Variants in ANKS1B observed in about 807,000 individuals in gnomAD.
ANKS1B encodes the protein ankyrin repeat and sterile alpha motif domain containing 1B.
Under a neutral mutation model 148.3 loss-of-function variants are expected in ANKS1B, and 36 were observed. The ratio of observed to expected loss-of-function variants is 0.24; its 90% CI spans 0.19 to 0.32. The LOEUF is 0.32. ANKS1B is among the 10% of genes least tolerant of loss of function. The pLI is 1.00. For missense variants in ANKS1B, 1,157 were observed against 1,542.6 expected, an observed-to-expected ratio of 0.75 and a Z score of 4.19; for synonymous variants, 542 against 560.8, an observed-to-expected ratio of 0.97 and a Z score of 0.47.
chr12:99,410,496 C>G (rs1481518082), intron 11 of ANKS1B, among the ~76,000 whole-genome samples: 1 of 152,028 alleles, frequency 6.6e-6, no homozygotes, highest in African/African-American at 2.4e-5. Context: ...GGTGAAACCC[C>G]GTCTCTACTA....
intron 17 of ANKS1B, among the ~76,000 whole-genome samples, chr12:99,045,390 G>A (rs1391965028): frequency 6.6e-6 from 1 of 152,082 alleles, no homozygotes; most frequent in Non-Finnish European, 1.5e-5. Flanking sequence ...TCTTAAGTGT[G>A]TCTGCTGCTG....
At chr12:99,309,585 A>G (rs1201876821) in intron 12 of ANKS1B, among the ~76,000 whole-genome samples, 3 of 152,110 alleles carry the variant, frequency 2.0e-5, no homozygotes, top group Non-Finnish European at 4.4e-5. Context: ...ATACACATTA[A>G]TTTAGATAAA....
chr12:99,272,959 G>A (rs1288978089), intron 12 of ANKS1B, among the ~76,000 whole-genome samples: 1 of 152,142 alleles, frequency 6.6e-6, no homozygotes, highest in African/African-American at 2.4e-5. Flanking sequence ...TACATTTGGA[G>A]AATAATATTC....
At chr12:99,459,902 AC>A (rs2095921384) in intron 10 of ANKS1B, among the ~76,000 whole-genome samples, 1 of 152,118 alleles carries the variant, frequency 6.6e-6, no homozygotes. Context: ...ACTAGAAAAA[AC>A]AATCCTAAAA....
chr12:98,952,680 T>C (rs2099855896), intron 17 of ANKS1B, among the ~76,000 whole-genome samples: 1 of 152,180 alleles, frequency 6.6e-6, no homozygotes, highest in Non-Finnish European at 1.5e-5. Context: ...GCTCTCCACC[T>C]CACATCTCTT....
intron 8 of ANKS1B, among the ~76,000 whole-genome samples, chr12:99,761,374 T>C (rs373663338): frequency 2.0e-5 from 3 of 151,990 alleles, no homozygotes; most frequent in Admixed American, 1.3e-4. Flanking sequence ...CTCCCTGGGA[T>C]ACAGGGTTGA....
intron 1 of ANKS1B, among the ~76,000 whole-genome samples, chr12:99,966,499 G>C (rs1210160157): frequency 1.3e-5 from 2 of 152,182 alleles, no homozygotes; most frequent in Admixed American, 6.5e-5. Flanking sequence ...TCTGATGTAT[G>C]ATGGGAGATG....
At chr12:99,467,287 T>C (rs1210950425) in intron 10 of ANKS1B, among the ~76,000 whole-genome samples, 1 of 152,152 alleles carries the variant, frequency 6.6e-6, no homozygotes, top group Non-Finnish European at 1.5e-5. Context: ...ATGGGTTGTA[T>C]CGCAAAATAA....
At chr12:99,635,980 C>A (rs1164726203) in intron 9 of ANKS1B, among the ~76,000 whole-genome samples, 1 of 151,960 alleles carries the variant, frequency 6.6e-6, no homozygotes, top group Non-Finnish European at 1.5e-5. Flanking sequence ...TGGTCAAGGT[C>A]AGCCTAAGCA....
At chr12:98,835,441 G>T (rs959067640) in intron 17 of ANKS1B, among the ~76,000 whole-genome samples, 3 of 152,276 alleles carry the variant, frequency 2.0e-5, no homozygotes, top group Admixed American at 6.5e-5. Context: ...ACAAGGACTT[G>T]TTCATTGTCA....
chr12:99,582,150 C>A (rs961856030), intron 9 of ANKS1B, among the ~76,000 whole-genome samples: 2 of 151,622 alleles, frequency 1.3e-5, no homozygotes, highest in African/African-American at 2.4e-5. Flanking sequence ...AAATAACATA[C>A]CAGAACATAC....
intron 9 of ANKS1B, among the ~76,000 whole-genome samples, chr12:99,562,813 AT>A (rs1567357916): frequency 1.3e-5 from 2 of 152,162 alleles, no homozygotes; most frequent in African/African-American, 4.8e-5. Flanking sequence ...GGGTATTACA[AT>A]TTGGATTACA....
At chr12:99,586,638 T>C (rs563623879) in intron 9 of ANKS1B, among the ~76,000 whole-genome samples, 1 of 152,286 alleles carries the variant, frequency 6.6e-6, no homozygotes, top group Admixed American at 6.5e-5. Flanking sequence ...TATTAGTCTG[T>C]TCTCATGCTG....
chr12:99,017,756 G>A (rs187265812), intron 17 of ANKS1B, among the ~76,000 whole-genome samples: 11 of 152,252 alleles, frequency 7.2e-5, no homozygotes, highest in Admixed American at 6.5e-4. Context: ...TATATCAAAT[G>A]AACTCTTTCT....
At chr12:98,854,077 GCC>G (rs1185569824) in intron 17 of ANKS1B, among the ~76,000 whole-genome samples, 4 of 152,152 alleles carry the variant, frequency 2.6e-5, no homozygotes, top group African/African-American at 9.7e-5. Flanking sequence ...TCCACACACA[GCC>G]CCAAAGGAGA....
At chr12:99,442,166 C>G (rs1346114874) in intron 11 of ANKS1B, among the ~76,000 whole-genome samples, 2 of 151,698 alleles carry the variant, frequency 1.3e-5, no homozygotes, top group African/African-American at 4.8e-5. Context: ...TATCTTGAAG[C>G]AAATAGACCC....
intron 21 of ANKS1B, among the ~76,000 whole-genome samples, chr12:98,799,911 A>G (rs1032003588): frequency 2.0e-5 from 3 of 151,832 alleles, no homozygotes; most frequent in African/African-American, 7.3e-5. Flanking sequence ...GAATTACAAT[A>G]ATTATTTTAG....
At chr12:99,565,951 C>T (rs2097387772) in intron 9 of ANKS1B, among the ~76,000 whole-genome samples, 1 of 152,116 alleles carries the variant, frequency 6.6e-6, no homozygotes, top group South Asian at 2.1e-4. Flanking sequence ...TAGAGGCCCT[C>T]AGGTTTGTGT....
chr12:99,279,967 G>T (rs1279828638), intron 12 of ANKS1B, among the ~76,000 whole-genome samples: 1 of 151,900 alleles, frequency 6.6e-6, no homozygotes, highest in African/African-American at 2.4e-5. Context: ...TCGCACAACT[G>T]CACTCCAGCC....
Sources: allele counts gnomAD v4.1 joint callset (sites outside exome capture counted in the v4.1 genomes callset), GRCh38; gene constraint gnomAD v4.1.1; transcripts MANE v1.5; gene names NCBI Gene and HGNC (gene_info 2026-07-23, HGNC 2026-07-21).